The following EPHA6 variants were observed in gnomAD, a reference collection of about 807,000 sequenced individuals.
EPHA6 encodes ephrin type-A receptor 6.
In EPHA6, 50 loss-of-function variants were observed where a neutral mutation model predicts 112.0. The ratio of observed to expected loss-of-function variants is 0.45; its 90% CI spans 0.36 to 0.56. The LOEUF is 0.56. Ranked by LOEUF, EPHA6 falls within the 20% of genes least tolerant of loss-of-function variation. The probability of loss-of-function intolerance (pLI) is 0.00; values close to 1 mark genes in which losing one functional copy is unlikely to be tolerated. For synonymous variants in EPHA6, 529 were observed against 490.7 expected (o/e 1.08, Z -1.03); for missense variants, 1,280 against 1,417.4 (o/e 0.90, Z 1.56).
intron 2 of EPHA6, among the ~76,000 whole-genome samples, chr3:96,920,945 GGATT>G: frequency 6.6e-6 from 1 of 152,034 alleles, no homozygotes; most frequent in South Asian, 2.1e-4. Context: ...AAAATTGTAT[GGATT>G]ATCAGAGAAC....
intron 3 of EPHA6, among the ~76,000 whole-genome samples, chr3:97,110,867 A>C (rs1183749335): frequency 6.6e-5 from 10 of 152,040 alleles, no homozygotes; most frequent in Non-Finnish European, 1.3e-4. Flanking sequence ...GAATTCAGAG[A>C]GTTAATGTGA....
chr3:96,973,670 A>G (rs1216183726), intron 2 of EPHA6, among the ~76,000 whole-genome samples: 1 of 149,120 alleles, frequency 6.7e-6, no homozygotes, highest in Non-Finnish European at 1.5e-5. Context: ...CTAAAAATAC[A>G]AAAAAATTAG....
At chr3:97,375,279 C>A (rs1228416272) in intron 5 of EPHA6, among the ~76,000 whole-genome samples, 1 of 152,104 alleles carries the variant, frequency 6.6e-6, no homozygotes, top group African/African-American at 2.4e-5. Context: ...ACACTCCCTC[C>A]TACTTCTGTT....
chr3:97,117,959 A>G (rs1278893208), intron 3 of EPHA6, among the ~76,000 whole-genome samples: 1 of 151,812 alleles, frequency 6.6e-6, no homozygotes, highest in African/African-American at 2.4e-5. Flanking sequence ...AGTGTTTGGC[A>G]CAGTGTAATA....
At chr3:97,328,441 T>C (rs568980973) in intron 5 of EPHA6, among the ~76,000 whole-genome samples, 2 of 152,194 alleles carry the variant, frequency 1.3e-5, no homozygotes, top group African/African-American at 2.4e-5. Context: ...ATTCTCCTCA[T>C]GGTTAATGAT....
chr3:97,132,883 G>A lies in EPHA6; in HGVS notation c.1115-93381G>A, dbSNP rs966492851. Among the ~76,000 whole-genome samples, 88 of 151,856 alleles carry A rather than the reference G, an allele frequency of 5.8e-4. 1 individual carries two copies. The highest frequency in any genetic ancestry group is 1.3e-4 in the Non-Finnish European group (9 of 67,918). On this transcript the variant is annotated intron_variant, in intron 3 of 17. Coordinates refer to ENST00000389672, the MANE Select transcript of EPHA6 (RefSeq NM_001080448.3). Reference sequence around the variant, plus strand: ...CAGGGCTAAGCTTGCTACTAAATTCGTTGTATATAAATTAATAAAATAGAG... The same window carrying A: ...CAGGGCTAAGCTTGCTACTAAATTCATTGTATATAAATTAATAAAATAGAG...
chr3:97,361,029 T>G (rs2084344302), intron 5 of EPHA6, among the ~76,000 whole-genome samples: 1 of 152,188 alleles, frequency 6.6e-6, no homozygotes, highest in Non-Finnish European at 1.5e-5. Context: ...TTCCCAATAC[T>G]GTGATTGTTA....
At chr3:97,088,862 A>T (rs1317380902) in intron 3 of EPHA6, among the ~76,000 whole-genome samples, 1 of 152,152 alleles carries the variant, frequency 6.6e-6, no homozygotes, top group East Asian at 1.9e-4. Flanking sequence ...TTCCATATGG[A>T]AAGGGTAACA....
chr3:96,856,448 T>C (rs1393915385), intron 1 of EPHA6, among the ~76,000 whole-genome samples: 1 of 152,128 alleles, frequency 6.6e-6, no homozygotes, highest in East Asian at 1.9e-4. Context: ...GGTTTATAAA[T>C]CAAGTGAATC....
chr3:96,961,602 C>T (rs2041950919), intron 2 of EPHA6, among the ~76,000 whole-genome samples: 2 of 152,014 alleles, frequency 1.3e-5, no homozygotes, highest in Admixed American at 1.3e-4. Flanking sequence ...TAACTTTCTC[C>T]AATCCTAGAT....
rs150787531 is a variant in EPHA6, at chr3:97,424,265, G to A, written c.1731+18991G>A. On this transcript the variant is annotated intron_variant, in intron 6 of 17. Coordinates refer to ENST00000389672, the MANE Select transcript of EPHA6 (RefSeq NM_001080448.3). ...GATTAAATTAACTCCACCTGGCCCCGTCTTTGACACATGGGGATTATTACA... is the reference window on the plus strand; with the variant it reads ...GATTAAATTAACTCCACCTGGCCCCATCTTTGACACATGGGGATTATTACA... Among the ~76,000 whole-genome samples, 760 of 152,182 alleles carry A rather than the reference G, an allele frequency of 5.0e-3. 6 individuals carry two copies. The highest frequency in any genetic ancestry group is 0.016 in the African/African-American group (647 of 41,530).
intron 2 of EPHA6, among the ~76,000 whole-genome samples, chr3:96,903,539 A>G (rs1031922069): frequency 1.3e-5 from 2 of 152,214 alleles, no homozygotes; most frequent in African/African-American, 4.8e-5. Flanking sequence ...TTTAAACTTT[A>G]CTATAAAGTT....
chr3:96,821,630 A>C (rs1192351539), intron 1 of EPHA6, among the ~76,000 whole-genome samples: 1 of 151,876 alleles, frequency 6.6e-6, no homozygotes, highest in Non-Finnish European at 1.5e-5. Flanking sequence ...CTGTTTCCAG[A>C]TCTGATAGGA....
intron 5 of EPHA6, among the ~76,000 whole-genome samples, chr3:97,385,169 T>A (rs537441907): frequency 6.6e-6 from 1 of 152,274 alleles, no homozygotes; most frequent in East Asian, 1.9e-4. Context: ...ACCATAAAAA[T>A]TAGTATCTTT....
At chr3:97,318,258 C>G (rs2081938851) in intron 5 of EPHA6, among the ~76,000 whole-genome samples, 1 of 151,948 alleles carries the variant, frequency 6.6e-6, no homozygotes, top group African/African-American at 2.4e-5. Context: ...TCCTAAAAAA[C>G]CTAACCAGAA....
chr3:97,013,094 A>G (rs1254747129), intron 3 of EPHA6, among the ~76,000 whole-genome samples: 3 of 152,090 alleles, frequency 2.0e-5, no homozygotes, highest in African/African-American at 7.2e-5. Context: ...GAAGCTCTTT[A>G]ACTTAATTAG....
chr3:97,224,295 G>A lies in EPHA6; in HGVS notation c.1115-1969G>A, dbSNP rs74914013. 1.3e-3 allele frequency among the ~76,000 whole-genome samples: 203 copies of A among 152,256 alleles called. 8 individuals carry two copies. In the East Asian group the frequency reaches 0.036, roughly 27 times the overall value. On this transcript the variant is annotated intron_variant, in intron 3 of 17. Transcript: ENST00000389672. ...ATTAAAGTGGGCAAGAATAGTTGCT[G>A]AGAGGCTAGTTATGAGACTGTTCTC...
In EPHA6 at chr3:97,427,392, A is replaced by G. The variant is rs544727033; in HGVS notation, c.1732-21176A>G. Among the ~76,000 whole-genome samples the G allele has an allele frequency of 7.2e-5, 11 of 152,290 alleles. No homozygotes were observed. In the South Asian group the frequency reaches 2.3e-3, roughly 32 times the overall value. ...GAATGAGATCATGGCCTTTCCAGGAACATGGTTGCAACTGGAGGCCATCAT... is the reference window on the plus strand; with the variant it reads ...GAATGAGATCATGGCCTTTCCAGGAGCATGGTTGCAACTGGAGGCCATCAT... On this transcript the variant is annotated intron_variant, in intron 6 of 17. Coordinates refer to ENST00000389672, the MANE Select transcript of EPHA6 (RefSeq NM_001080448.3).
intron 13 of EPHA6, among the ~76,000 whole-genome samples, chr3:97,636,885 T>TA (rs138529626): frequency 1.3e-5 from 2 of 151,856 alleles, no homozygotes; most frequent in African/African-American, 2.4e-5. Flanking sequence ...GCATGATGTA[T>TA]AAAAAAAAGA....
Sources: allele counts gnomAD v4.1 joint callset (sites outside exome capture counted in the v4.1 genomes callset), GRCh38; gene constraint gnomAD v4.1.1; transcripts MANE v1.5; gene names NCBI Gene and HGNC (gene_info 2026-07-23, HGNC 2026-07-21).